RNASEH2C: variants seen among roughly 807,000 people sequenced by gnomAD.
RNASEH2C encodes the protein RNase H1 small subunit.
Under a neutral mutation model 16.3 loss-of-function variants are expected in RNASEH2C, and 20 were observed. The observed-to-expected ratio is 1.23, with a 90% confidence interval of 0.86 to 1.79. The LOEUF (loss-of-function observed/expected upper bound fraction) is 1.79. RNASEH2C is among the 40% of genes most tolerant of loss of function. The pLI, the probability that RNASEH2C is intolerant of heterozygous loss-of-function variation, is 0.00. For missense variants in RNASEH2C, 296 were observed against 235.9 expected, an observed-to-expected ratio of 1.25 and a Z score of -1.67; for synonymous variants, 106 against 98.9, an observed-to-expected ratio of 1.07 and a Z score of -0.43.
Position 65,720,274 on chromosome 11 carries a change from C to G in RNASEH2C, c.316G>C (p.Asp106His), listed in dbSNP as rs1379430577. 2 of 1,614,242 alleles carry G rather than the reference C, an allele frequency of 1.2e-6. No homozygotes were observed. Among genetic ancestry groups the G allele is most frequent in the African/African-American group, 1.3e-5 (1 of 75,074 alleles). The change falls in exon 2 of 4, where the codon GAC (aspartate) becomes CAC (histidine). Residue 106 changes from aspartate to histidine, a missense_variant. Coordinates refer to ENST00000308418, the MANE Select transcript of RNASEH2C (RefSeq NM_032193.4). ...CGCTCCAGCGGCTCCTCCTCTTGGT[C>G]GTCAGTCCCGGAATCCCGCAAGGGG... is the stretch of plus-strand genomic sequence containing the variant. The part of the protein sequence containing the change: ...PDPLRDSGTD[D>H]QEEEPLERDF...
Position 65,718,162 on chromosome 11 carries a change from T to C in RNASEH2C, c.*1621A>G, listed in dbSNP as rs373799308. ...CAGGTGACACTCCCAAGGTCCCAGC[T>C]AGGAGGACTTTGAGAATTCAAGCAT... On this transcript the variant is annotated 3_prime_UTR_variant, in exon 4 of 4. Coordinates refer to ENST00000308418, the MANE Select transcript of RNASEH2C (RefSeq NM_032193.4). 1.5e-3 allele frequency: 236 copies of C among 160,854 alleles called. 4 individuals are homozygous for C. The South Asian group carries it at 0.04, about 27-fold the overall frequency. 10.0% of individuals were successfully genotyped at this position (160,854 alleles called of 1,614,324 possible). A position where few individuals can be genotyped will look rare whatever the true frequency, so the allele number is the denominator to read the frequency against.
chr11:65,718,465 T>A lies in RNASEH2C; in HGVS notation c.*1318A>T. On this transcript the variant is annotated 3_prime_UTR_variant, in exon 4 of 4. Coordinates refer to ENST00000308418, the MANE Select transcript of RNASEH2C (RefSeq NM_032193.4). ...CTGAGGCACAGAGAAGTGGAGGGCA[T>A]AGAACTGCCAAGTGGCAGGGCCATG... is the stretch of plus-strand genomic sequence containing the variant. The A allele has an allele frequency of 1.1e-6, 1 of 933,358 alleles. No individual in the cohort carries two copies. The highest frequency in any genetic ancestry group is 2.4e-5 in the East Asian group (1 of 41,404). The allele number at this position is 933,358 out of a possible 1,614,324, so 57.8% of individuals were successfully genotyped here. A position where few individuals can be genotyped will look rare whatever the true frequency, so the allele number is the denominator to read the frequency against.
Position 65,718,344 on chromosome 11 carries a change from C to T in RNASEH2C, c.*1439G>A, listed in dbSNP as rs1857275321. On this transcript the variant is annotated 3_prime_UTR_variant, in exon 4 of 4. Transcript: ENST00000308418. Reference sequence around the variant, plus strand: ...AAGCCTTCACTGGCCTCTGATCACCCTCATGGTTGACTGCAGCTGCTCCTC... The same window carrying T: ...AAGCCTTCACTGGCCTCTGATCACCTTCATGGTTGACTGCAGCTGCTCCTC... 6.3e-6 allele frequency: 3 copies of T among 472,592 alleles called. No individual in the cohort carries two copies. The highest frequency in any genetic ancestry group is 7.6e-6 in the Non-Finnish European group (2 of 262,452). The allele number at this position is 472,592 out of a possible 1,614,324, so 29.3% of individuals were successfully genotyped here.
rs756513194 is a variant in RNASEH2C at position 65,719,242 on chromosome 11, G to A, written c.*541C>T. The stretch of plus-strand genomic sequence containing the variant: ...AGGACTGGGGCTGATAGCCCACCCC[G>A]CCCCCACTGCAGCTCCCACAAAGCA... On this transcript the variant is annotated 3_prime_UTR_variant, in exon 4 of 4. Coordinates refer to ENST00000308418, the MANE Select transcript of RNASEH2C (RefSeq NM_032193.4). 5.2e-5 allele frequency: 82 copies of A among 1,573,182 alleles called. No homozygotes were observed. The highest frequency in any genetic ancestry group is 6.4e-5 in the Non-Finnish European group (74 of 1,155,518).
intron 3 of RNASEH2C, 82 bp from the exon 4 acceptor site, chr11:65,719,891 GTTCAGAATAACCGC>G: frequency 6.2e-7 from 1 of 1,604,860 alleles, no homozygotes; most frequent in Non-Finnish European, 8.5e-7. Flanking sequence ...GGACCCAGCT[GTTCAGAATAACCGC>G]TTCTAGACAT....
In RNASEH2C at chr11:65,720,323, C is replaced by A. The variant is rs927863596; in HGVS notation, c.267G>T (p.Lys89Asn). The A allele has an allele frequency of 6.2e-7, 1 of 1,612,776 alleles. No individual in the cohort carries two copies. Among genetic ancestry groups the A allele is most frequent in the Non-Finnish European group, 8.5e-7 (1 of 1,180,012 alleles). The change falls in exon 2 of 4, where the codon AAG (lysine) becomes AAT (asparagine). Residue 89 changes from lysine to asparagine, a missense_variant. Physicochemically the swap from Lys to Asn is moderately conservative, Grantham distance 94. Transcript: ENST00000308418. ...GGTCTGGCTTCCCCATCGACACCTT[C>A]TTCTCTTCTGTCACCATCACGTATC... ...LVGYVMVTEEKKVSMGKPDPL... is the reference protein window; with the variant it reads ...LVGYVMVTEENKVSMGKPDPL...
Position 65,718,726 on chromosome 11 carries a change from G to T in RNASEH2C, c.*1057C>A, listed in dbSNP as rs1659695220. 1 of 1,614,016 alleles carries T rather than the reference G, an allele frequency of 6.2e-7. No homozygotes were observed. Among genetic ancestry groups the T allele is most frequent in the African/African-American group, 1.3e-5 (1 of 74,892 alleles). Reference sequence around the variant, plus strand: ...TGATGGGGCTGAAGTCGGAGAGCGGGGAGAGGCCACAGATCACCATCAAGT... The same window carrying T: ...TGATGGGGCTGAAGTCGGAGAGCGGTGAGAGGCCACAGATCACCATCAAGT... On this transcript the variant is annotated 3_prime_UTR_variant, in exon 4 of 4. Transcript: ENST00000308418.
At position 65,718,344 on chromosome 11, in the gene RNASEH2C, C is replaced by G; in HGVS notation, c.*1439G>C. On this transcript the variant is annotated 3_prime_UTR_variant, in exon 4 of 4. Coordinates refer to ENST00000308418, the MANE Select transcript of RNASEH2C (RefSeq NM_032193.4). ...AAGCCTTCACTGGCCTCTGATCACC[C>G]TCATGGTTGACTGCAGCTGCTCCTC... is the stretch of plus-strand genomic sequence containing the variant. 1 of 472,710 alleles carries G rather than the reference C, an allele frequency of 2.1e-6. No individual in the cohort carries two copies. The highest frequency in any genetic ancestry group is 3.8e-6 in the Non-Finnish European group (1 of 262,444). The allele number at this position is 472,710 out of a possible 1,614,324, so 29.3% of individuals were successfully genotyped here.
At position 65,720,418 on chromosome 11, in the gene RNASEH2C, C is replaced by G; in HGVS notation, c.173-1G>C. 1 of 1,613,732 alleles carries G rather than the reference C, an allele frequency of 6.2e-7. No homozygotes were observed. Among genetic ancestry groups the G allele is most frequent in the East Asian group, 2.2e-5 (1 of 44,868 alleles). ...CGGCCCCGAAACGACACTTCGAGTCCTGGAGCGGGAGGCGCAAAGGGCCTC... is the reference window on the plus strand; with the variant it reads ...CGGCCCCGAAACGACACTTCGAGTCGTGGAGCGGGAGGCGCAAAGGGCCTC... On this transcript the variant is annotated splice_acceptor_variant, in intron 1 of 3. Transcript: ENST00000308418. LOFTEE classifies it high-confidence loss of function.
rs1272688900 is a variant in RNASEH2C, at chr11:65,718,367, C to T, written c.*1416G>A. The T allele has an allele frequency of 1.9e-6, 1 of 515,114 alleles. No homozygotes were observed. The highest frequency in any genetic ancestry group is 3.5e-6 in the Non-Finnish European group (1 of 287,262). The allele number at this position is 515,114 out of a possible 1,614,324, so 31.9% of individuals were successfully genotyped here. Reference sequence around the variant, plus strand: ...CCCTCATGGTTGACTGCAGCTGCTCCTCTCAGTGCCCTCATGCCCTCCACT... The same window carrying T: ...CCCTCATGGTTGACTGCAGCTGCTCTTCTCAGTGCCCTCATGCCCTCCACT... On this transcript the variant is annotated 3_prime_UTR_variant, in exon 4 of 4. Transcript: ENST00000308418.
At chr11:65,719,830 A>C in intron 3 of RNASEH2C, 21 bp from the exon 4 acceptor site, 1 of 1,613,782 alleles carries the variant, frequency 6.2e-7, no homozygotes, top group Admixed American at 1.7e-5. Flanking sequence ...AGTCGCCTCT[A>C]CTGTTGGACT....
At position 65,719,393 on chromosome 11, in the gene RNASEH2C, C is replaced by T; in HGVS notation, c.*390G>A. On this transcript the variant is annotated 3_prime_UTR_variant, in exon 4 of 4. Transcript: ENST00000308418. ...AACTCCAAGGTCAGCTGGCCACAGG[C>T]CCAGGCCTCCTCTGAAGCAGGGACC... The T allele has an allele frequency of 1.6e-6, 1 of 633,164 alleles. No homozygotes were observed. Among genetic ancestry groups the T allele is most frequent in the Non-Finnish European group, 2.7e-6 (1 of 367,302 alleles). The allele number at this position is 633,164 out of a possible 1,614,324, so 39.2% of individuals were successfully genotyped here.
At position 65,719,752 on chromosome 11, in the gene RNASEH2C, G is replaced by A. The variant is rs781300192; in HGVS notation, c.*31C>T. On this transcript the variant is annotated 3_prime_UTR_variant, in exon 4 of 4. Coordinates refer to ENST00000308418, the MANE Select transcript of RNASEH2C (RefSeq NM_032193.4). ...AAGAGCTGGTTTACTGCTGTGAAGG[G>A]ATCGCAGCTTTGAATTTCAAGCTCT... 3 of 1,611,328 alleles carry A rather than the reference G, an allele frequency of 1.9e-6. No homozygotes were observed. Among genetic ancestry groups the A allele is most frequent in the Non-Finnish European group, 2.5e-6 (3 of 1,177,564 alleles).
Position 65,719,793 on chromosome 11 carries a change from G to A in RNASEH2C, c.485C>T (p.Pro162Leu). 1.2e-6 allele frequency: 2 copies of A among 1,614,112 alleles called. No homozygotes were observed. Among genetic ancestry groups the A allele is most frequent in the South Asian group, 2.2e-5 (2 of 91,080 alleles). The change falls in exon 4 of 4, where the codon CCC becomes CTC. Residue 162 changes from proline to leucine, a missense_variant. By Grantham distance (98) the Pro-to-Leu change is moderately conservative. Transcript: ENST00000308418. ...TTCAAGCTCTGGTTCTCAGTCCTCG[G>A]GCACCTGTGCGTGAATCTGCAACAG... is the stretch of plus-strand genomic sequence containing the variant. ...SLAAAIHAQV[P>L]ED
Position 65,720,572 on chromosome 11 carries a change from G to T in RNASEH2C, c.172+15C>A. ...CGGGGGCTGCCGGGAGCCGTAGTCC[G>T]GCCGCAGGGCTCACCCTCGGGGCCC... is the stretch of plus-strand genomic sequence containing the variant. On this transcript the variant is annotated intron_variant, in intron 1 of 3. Transcript: ENST00000308418. 6.6e-7 allele frequency: 1 copy of T among 1,518,932 alleles called. No homozygotes were observed. 94.1% of individuals were successfully genotyped at this position (1,518,932 alleles called of 1,614,324 possible).
rs368723275 is a variant in RNASEH2C, at chr11:65,720,176, G to T, written c.349-12C>A. 1 of 1,614,242 alleles carries T rather than the reference G, an allele frequency of 6.2e-7. No individual in the cohort carries two copies. The highest frequency in any genetic ancestry group is 8.5e-7 in the Non-Finnish European group (1 of 1,180,048). ...CCAATGAAGCGGTCCTGGGGAAGGG[G>T]CCTGGCTCAGCATCGGGACTACAGC... On this transcript the variant is annotated splice_polypyrimidine_tract_variant and intron_variant, in intron 2 of 3. Transcript: ENST00000308418.
At position 65,718,796 on chromosome 11, in the gene RNASEH2C, G is replaced by C; in HGVS notation, c.*987C>G. The C allele has an allele frequency of 6.2e-7, 1 of 1,613,992 alleles. No individual in the cohort carries two copies. The highest frequency in any genetic ancestry group is 8.5e-7 in the Non-Finnish European group (1 of 1,179,870). On this transcript the variant is annotated 3_prime_UTR_variant, in exon 4 of 4. Coordinates refer to ENST00000308418, the MANE Select transcript of RNASEH2C (RefSeq NM_032193.4). Reference sequence around the variant, plus strand: ...TGGGGGTACATGGCATGGCTTGTCTGTTCCTGGGCTTTCTCTCTCAGGGCT... The same window carrying C: ...TGGGGGTACATGGCATGGCTTGTCTCTTCCTGGGCTTTCTCTCTCAGGGCT...
Position 65,720,283 on chromosome 11 carries a change from C to G in RNASEH2C, c.307G>C (p.Gly103Arg), listed in dbSNP as rs766900205. 3.1e-6 allele frequency: 5 copies of G among 1,614,142 alleles called. No individual in the cohort carries two copies. The highest frequency in any genetic ancestry group is 3.3e-5 in the Admixed American group (2 of 60,016). ...MGKPDPLRDSGTDDQEEEPLE... is the reference protein window; with the variant it reads ...MGKPDPLRDSRTDDQEEEPLE... Reference sequence around the variant, plus strand: ...GGCTCCTCCTCTTGGTCGTCAGTCCCGGAATCCCGCAAGGGGTCTGGCTTC... The same window carrying G: ...GGCTCCTCCTCTTGGTCGTCAGTCCGGGAATCCCGCAAGGGGTCTGGCTTC... The change falls in exon 2 of 4, where the codon GGG becomes CGG. Residue 103 changes from glycine (G) to arginine (R), a missense_variant. Physicochemically the swap from Gly to Arg is moderately radical, Grantham distance 125 (BLOSUM62 -2). Coordinates refer to ENST00000308418, the MANE Select transcript of RNASEH2C (RefSeq NM_032193.4).
In RNASEH2C at chr11:65,718,333, C is replaced by T; in HGVS notation, c.*1450G>A. ...CCCCTGCCCATAAGCCTTCACTGGC[C>T]TCTGATCACCCTCATGGTTGACTGC... On this transcript the variant is annotated 3_prime_UTR_variant, in exon 4 of 4. Transcript: ENST00000308418. The T allele has an allele frequency of 9.4e-6, 4 of 426,714 alleles. No individual in the cohort carries two copies. Among genetic ancestry groups the T allele is most frequent in the Non-Finnish European group, 1.7e-5 (4 of 237,034 alleles). 26.4% of individuals were successfully genotyped at this position (426,714 alleles called of 1,614,324 possible). A position where few individuals can be genotyped will look rare whatever the true frequency, so the allele number is the denominator to read the frequency against.
Sources: allele counts gnomAD v4.1 joint callset, GRCh38; gene constraint gnomAD v4.1.1; transcripts MANE v1.5; gene names NCBI Gene and HGNC (gene_info 2026-07-23, HGNC 2026-07-21).